Variants in COLGALT1 observed in about 807,000 individuals in gnomAD.
COLGALT1 encodes procollagen galactosyltransferase 1.
COLGALT1 carries 43 observed loss-of-function variants against 60.8 expected under a neutral mutation model. The ratio of observed to expected loss-of-function variants is 0.71; its 90% confidence interval spans 0.55 to 0.91. The LOEUF is 0.91. Among genes scored for constraint, COLGALT1 ranks in the 40% least tolerant of loss-of-function variants. The pLI, the probability that COLGALT1 is intolerant of heterozygous loss-of-function variation, is 0.00. For synonymous variants in COLGALT1, 369 were observed against 374.2 expected, an observed-to-expected ratio of 0.99 and a Z score of 0.16; for missense variants, 845 against 880.0, an observed-to-expected ratio of 0.96 and a Z score of 0.50.
chr19:17,581,154 C>T (rs1375992470), intron 11 of COLGALT1, 23 bp from the exon 12 acceptor site: 10 of 1,599,896 alleles, frequency 6.3e-6, no homozygotes, highest in Non-Finnish European at 8.5e-6. Flanking sequence ...TGCTGCCCCT[C>T]ACTCCCCTCC....
intron 9 of COLGALT1, 62 bp downstream of exon 9, chr19:17,578,151 C>A: frequency 6.8e-7 from 1 of 1,469,990 alleles, no homozygotes. Flanking sequence ...GAGATTTGGA[C>A]GGGAAAGGGG....
chr19:17,572,383 A>T, intron 5 of COLGALT1, 100 bp from the exon 6 acceptor site: 2 of 1,573,734 alleles, frequency 1.3e-6, no homozygotes. Flanking sequence ...ACCTCAAGCG[A>T]TCCTCCTGCG....
rs200211762 is a variant in COLGALT1, at chr19:17,568,586, G to A, written c.702G>A (p.Val234=). The A allele has an allele frequency of 1.2e-6, 2 of 1,614,196 alleles. No individual in the cohort carries two copies. The highest frequency in any genetic ancestry group is 2.7e-5 in the African/African-American group (2 of 75,052). ...GGGGCTGCTTTGCAGTTCCCATGGTGCACTCGACCTTCCTGATCGACCTGC... is the reference window on the plus strand; with the variant it reads ...GGGGCTGCTTTGCAGTTCCCATGGTACACTCGACCTTCCTGATCGACCTGC... ...DRRGCFAVPM[V]HSTFLIDLRK... The change falls in exon 5 of 12, where the codon GTG becomes GTA. Residue 234 remains valine (V), a synonymous_variant. Coordinates refer to ENST00000252599, the MANE Select transcript of COLGALT1 (RefSeq NM_024656.4).
chr19:17,577,522 G>A (rs1386411937), intron 8 of COLGALT1, 55 bp downstream of exon 8: 2 of 1,382,326 alleles, frequency 1.4e-6, no homozygotes, highest in Non-Finnish European at 1.9e-6. Context: ...TGTGGGTGTA[G>A]ACCTCGCTGG....
At position 17,557,982 on chromosome 19, in the gene COLGALT1, G is replaced by A. The variant is rs374738826; in HGVS notation, c.261-1329G>A. ...GACTGAGTCTCGCTCTCGTTGCTGAGGCTGGAGTGCAGTGGCACGATCTCG... is the reference window on the plus strand; with the variant it reads ...GACTGAGTCTCGCTCTCGTTGCTGAAGCTGGAGTGCAGTGGCACGATCTCG... On this transcript the variant is annotated intron_variant, in intron 1 of 11. Transcript: ENST00000252599. 4.6e-5 allele frequency among the ~76,000 whole-genome samples: 7 copies of A among 152,116 alleles called. No homozygotes were observed. The East Asian group carries it at 1.2e-3, about 25-fold the overall frequency.
chr19:17,576,573 C>T (rs1337881310), intron 6 of COLGALT1, among the ~76,000 whole-genome samples: 8 of 125,472 alleles, frequency 6.4e-5, no homozygotes, highest in African/African-American at 1.9e-4. Context: ...GGCTGAGAGT[C>T]GGGGCTGGGA....
At chr19:17,574,187 G>A (rs926687681) in intron 6 of COLGALT1, among the ~76,000 whole-genome samples, 9 of 152,148 alleles carry the variant, frequency 5.9e-5, no homozygotes, top group African/African-American at 1.7e-4. Context: ...CCACCACTGC[G>A]TAGATGGAGA....
At chr19:17,571,715 C>T (rs964253131) in intron 5 of COLGALT1, among the ~76,000 whole-genome samples, 2 of 151,468 alleles carry the variant, frequency 1.3e-5, no homozygotes, top group African/African-American at 2.4e-5. Context: ...GAGACTCTGT[C>T]TCAAAAAAAA....
intron 6 of COLGALT1, among the ~76,000 whole-genome samples, chr19:17,575,970 G>A (rs1478034702): frequency 6.6e-6 from 1 of 152,146 alleles, no homozygotes; most frequent in African/African-American, 2.4e-5. Context: ...ATGACATAGT[G>A]CATGATCTCA....
chr19:17,567,430 C>T lies in COLGALT1; in HGVS notation c.514C>T (p.Leu172Phe). The T allele has an allele frequency of 6.2e-7, 1 of 1,613,942 alleles. No individual in the cohort carries two copies. The highest frequency in any genetic ancestry group is 8.5e-7 in the Non-Finnish European group (1 of 1,179,864). Residue 172 changes from leucine (L) to phenylalanine (F), a missense_variant, in exon 4 of 12, where the codon CTC becomes TTC. Leu to Phe is a conservative substitution (Grantham distance 22, BLOSUM62 0). Coordinates refer to ENST00000252599, the MANE Select transcript of COLGALT1 (RefSeq NM_024656.4). ...GTTTGTAGATGCGGACAACCTGATCCTCAACCCTGACACACTGAGCCTGCT... is the reference window on the plus strand; with the variant it reads ...GTTTGTAGATGCGGACAACCTGATCTTCAACCCTGACACACTGAGCCTGCT... ...ILFVDADNLILNPDTLSLLIA... is the reference protein window; with the variant it reads ...ILFVDADNLIFNPDTLSLLIA...
intron 5 of COLGALT1, among the ~76,000 whole-genome samples, chr19:17,570,601 C>T (rs1254617287): frequency 1.3e-5 from 2 of 151,616 alleles, no homozygotes; most frequent in African/African-American, 2.4e-5. Context: ...GGTCTCCCTC[C>T]GTTGCCCAGG....
intron 6 of COLGALT1, among the ~76,000 whole-genome samples, chr19:17,575,194 C>T (rs1029764750): frequency 2.6e-5 from 4 of 151,974 alleles, no homozygotes; most frequent in Non-Finnish European, 5.9e-5. Context: ...GTTTAACAGG[C>T]GCTTGCCACC....
At chr19:17,577,005 T>TGAAGCTGGGGCCTGGGGGGTGGCCA in intron 6 of COLGALT1, 190 bp from the exon 7 acceptor site, 1 of 323,140 alleles carries the variant, frequency 3.1e-6, no homozygotes, top group Non-Finnish European at 5.7e-6. Flanking sequence ...GCCAGGGCTT[T>TGAAGCTGGGGCCTGGGGGGTGGCCA]GGGCTGCTGT....
chr19:17,573,675 G>A (rs971320253), intron 6 of COLGALT1, among the ~76,000 whole-genome samples: 4 of 152,140 alleles, frequency 2.6e-5, no homozygotes, highest in African/African-American at 9.7e-5. Flanking sequence ...TACAGCCTGG[G>A]CAATAGAGTA....
In COLGALT1 at chr19:17,581,530, C is replaced by T; in HGVS notation, c.*86C>T. ...GGACATCAGGTCCACCTCTGGACCCCTTGGCAGGCCACAGAGGGCTCTCGT... is the reference window on the plus strand; with the variant it reads ...GGACATCAGGTCCACCTCTGGACCCTTTGGCAGGCCACAGAGGGCTCTCGT... On this transcript the variant is annotated 3_prime_UTR_variant, in exon 12 of 12. Coordinates refer to ENST00000252599, the MANE Select transcript of COLGALT1 (RefSeq NM_024656.4). 2 of 1,487,994 alleles carry T rather than the reference C, an allele frequency of 1.3e-6. No homozygotes were observed. The highest frequency in any genetic ancestry group is 1.8e-6 in the Non-Finnish European group (2 of 1,120,950). The allele number at this position is 1,487,994 out of a possible 1,614,324, so 92.2% of individuals were successfully genotyped here.
intron 3 of COLGALT1, 82 bp downstream of exon 3, chr19:17,560,547 C>G (rs1568472928): frequency 9.0e-7 from 1 of 1,112,404 alleles, no homozygotes; most frequent in African/African-American, 1.5e-5. Flanking sequence ...GATGCCAGGA[C>G]CATCCTTAAT....
intron 3 of COLGALT1, among the ~76,000 whole-genome samples, chr19:17,562,633 G>T (rs908539287): frequency 1.3e-5 from 2 of 151,372 alleles, no homozygotes; most frequent in African/African-American, 4.9e-5. Flanking sequence ...CTGCGCTCCA[G>T]CCTGGGCGAC....
chr19:17,567,295 T>A, intron 3 of COLGALT1, 111 bp from the exon 4 acceptor site: 2 of 1,414,194 alleles, frequency 1.4e-6, no homozygotes, highest in Non-Finnish European at 1.9e-6. Context: ...GTGTAGGGGG[T>A]GCTTCCAGAG....
rs1356863369 is a variant in COLGALT1 at position 17,568,667 on chromosome 19, G to A, written c.783G>A (p.Trp261Ter). ...ACCCACCTCACCCTGACTACACCTG[G>A]TCCTTTGACGACATCATCGTCTTTG... ...AFYPPHPDYT[W>*]SFDDIIVFAF... The change falls in exon 5 of 12, where the codon TGG becomes TGA. Residue 261 changes from tryptophan (W) to a stop codon, truncating the protein, a stop_gained. Coordinates refer to ENST00000252599, the MANE Select transcript of COLGALT1 (RefSeq NM_024656.4). LOFTEE classifies it high-confidence loss of function. 6.2e-7 allele frequency: 1 copy of A among 1,614,066 alleles called. No individual in the cohort carries two copies. Among genetic ancestry groups the A allele is most frequent in the African/African-American group, 1.3e-5 (1 of 74,920 alleles).
Sources: allele counts gnomAD v4.1 joint callset (sites outside exome capture counted in the v4.1 genomes callset), GRCh38; gene constraint gnomAD v4.1.1; transcripts MANE v1.5; gene names NCBI Gene and HGNC (gene_info 2026-07-23, HGNC 2026-07-21).